Variants in LURAP1 observed in about 807,000 individuals in gnomAD.
LURAP1 encodes the protein leucine rich adaptor protein 1.
LURAP1 carries 14 observed loss-of-function variants against 19.0 expected under a neutral mutation model. That is an observed-to-expected ratio of 0.74 (90% CI 0.49 to 1.15). The LOEUF (loss-of-function observed/expected upper bound fraction) is 1.15, where lower values mean the gene tolerates loss of function less well. Among genes scored for constraint, LURAP1 ranks in the 50% most tolerant of loss-of-function variants. LURAP1 has a pLI of 0.00. For synonymous variants in LURAP1, 129 were observed against 131.8 expected (o/e 0.98, Z 0.14); for missense variants, 273 against 309.1 (o/e 0.88, Z 0.87).
chr1:46,212,731 C>T (rs531236423), intron 1 of LURAP1, among the ~76,000 whole-genome samples: 1 of 152,126 alleles, frequency 6.6e-6, no homozygotes, highest in African/African-American at 2.4e-5. Context: ...CAAGAGCCAC[C>T]ATGCTTGGCT....
chr1:46,205,869 C>T (rs1243737190), intron 1 of LURAP1, among the ~76,000 whole-genome samples: 1 of 152,236 alleles, frequency 6.6e-6, no homozygotes, highest in Non-Finnish European at 1.5e-5. Context: ...TGCCTTCGGG[C>T]TACTGAAGGC....
rs1658618789 is a variant in LURAP1 at position 46,203,615 on chromosome 1, G to A, written c.189G>A (p.Lys63=). 1 of 1,601,724 alleles carries A rather than the reference G, an allele frequency of 6.2e-7. No homozygotes were observed. Among genetic ancestry groups the A allele is most frequent in the Non-Finnish European group, 8.5e-7 (1 of 1,175,424 alleles). Residue 63 remains lysine (K), a synonymous_variant, in exon 1 of 2, where the codon AAG becomes AAA. Coordinates refer to ENST00000371980, the MANE Select transcript of LURAP1 (RefSeq NM_001013615.3). ...TGGGGGACAAGATCATGGCGCTGAA[G>A]ATGGAGCTGGTGAGTGCTGAATCCA... is the stretch of plus-strand genomic sequence containing the variant. ...HDLGDKIMAL[K]MELAYLRAID... is the part of the protein sequence containing the mutation.
chr1:46,216,133 G>GC (rs906711100), intron 1 of LURAP1, among the ~76,000 whole-genome samples: 1 of 122,668 alleles, frequency 8.2e-6, no homozygotes, highest in African/African-American at 3.1e-5. Flanking sequence ...TGCAGGCTCC[G>GC]CCCCCCAGGT....
In LURAP1 at chr1:46,217,466, T is replaced by C. The variant is rs1659102185; in HGVS notation, c.199-2233T>C. 2.0e-5 allele frequency among the ~76,000 whole-genome samples: 3 copies of C among 152,168 alleles called. No homozygotes were observed. The South Asian group carries it at 6.2e-4, about 32-fold the overall frequency. Reference sequence around the variant, plus strand: ...CTTAGCTGTGAAGAGCATTTCCAAATCCTAATAAAGTAAACACTGAGTAAT... The same window carrying C: ...CTTAGCTGTGAAGAGCATTTCCAAACCCTAATAAAGTAAACACTGAGTAAT... On this transcript the variant is annotated intron_variant, in intron 1 of 1. Transcript: ENST00000371980.
chr1:46,217,672 C>A (rs1055201927), intron 1 of LURAP1, among the ~76,000 whole-genome samples: 2 of 152,042 alleles, frequency 1.3e-5, no homozygotes, highest in Non-Finnish European at 2.9e-5. Flanking sequence ...GCCTGGCTAA[C>A]CTGGTGATGC....
chr1:46,217,830 C>G (rs768624214), intron 1 of LURAP1, among the ~76,000 whole-genome samples: 104 of 152,154 alleles, frequency 6.8e-4, no homozygotes, highest in Non-Finnish European at 1.3e-3. Flanking sequence ...GCACTCCAGC[C>G]TGGGCAACAA....
intron 1 of LURAP1, among the ~76,000 whole-genome samples, chr1:46,204,917 C>T (rs1658663857): frequency 6.6e-6 from 1 of 152,216 alleles, no homozygotes; most frequent in Non-Finnish European, 1.5e-5. Context: ...ATGATGCTCT[C>T]TTCATCTCCA....
At chr1:46,213,597 G>T (rs1184862391) in intron 1 of LURAP1, among the ~76,000 whole-genome samples, 1 of 151,998 alleles carries the variant, frequency 6.6e-6, no homozygotes, top group Non-Finnish European at 1.5e-5. Context: ...AATGGCTTAC[G>T]CCTGTAATCA....
rs759465370 is a variant in LURAP1, at chr1:46,203,464, G to A, written c.38G>A (p.Arg13Gln). Residue 13 changes from arginine to glutamine, a missense_variant, in exon 1 of 2, where the codon CGG becomes CAG. By Grantham distance (43) the Arg-to-Gln change is conservative. Coordinates refer to ENST00000371980, the MANE Select transcript of LURAP1 (RefSeq NM_001013615.3). ...GTGGAGTCCCAGACGCCTGACCTGCGGGATGTGGAGGGTAAGGTGGGCAGG... is the reference window on the plus strand; with the variant it reads ...GTGGAGTCCCAGACGCCTGACCTGCAGGATGTGGAGGGTAAGGTGGGCAGG... ...GTVESQTPDL[R>Q]DVEGKVGRKT... 1 of 1,505,164 alleles carries A rather than the reference G, an allele frequency of 6.6e-7. No individual in the cohort carries two copies. The highest frequency in any genetic ancestry group is 8.9e-7 in the Non-Finnish European group (1 of 1,127,202). 93.2% of individuals were successfully genotyped at this position (1,505,164 alleles called of 1,614,324 possible).
At chr1:46,205,564 C>T (rs1658685912) in intron 1 of LURAP1, among the ~76,000 whole-genome samples, 2 of 152,354 alleles carry the variant, frequency 1.3e-5, no homozygotes, top group South Asian at 2.1e-4. Flanking sequence ...GGAAGAGCCA[C>T]GCCCAGTCTC....
In LURAP1 at chr1:46,216,084, T is replaced by A. The variant is rs79130153; in HGVS notation, c.199-3615T>A. Reference sequence around the variant, plus strand: ...TTTTTTTTGTGACGGAGTCTCGCTGTTGCCCAGGCTGGAGTGCAGTGGCGC... The same window carrying A: ...TTTTTTTTGTGACGGAGTCTCGCTGATGCCCAGGCTGGAGTGCAGTGGCGC... On this transcript the variant is annotated intron_variant, in intron 1 of 1. Transcript: ENST00000371980. Among the ~76,000 whole-genome samples, 74 of 143,852 alleles carry A rather than the reference T, an allele frequency of 5.1e-4. 1 individual carries two copies. In the East Asian group the frequency reaches 0.014, roughly 27 times the overall value. The allele number at this position is 143,852 out of a possible 152,430, so 94.4% of individuals were successfully genotyped here.
rs144265688 is a variant in LURAP1, at chr1:46,210,767, G to A, written c.198+7143G>A. On this transcript the variant is annotated intron_variant, in intron 1 of 1. Coordinates refer to ENST00000371980, the MANE Select transcript of LURAP1 (RefSeq NM_001013615.3). ...GCTACTTGGACGCTCTCTGAATCCT[G>A]TTGTGGGGACCTTTTTTTATTTTTT... 4.1e-3 allele frequency among the ~76,000 whole-genome samples: 622 copies of A among 150,224 alleles called. 6 individuals carry two copies. The highest frequency in any genetic ancestry group is 0.014 in the African/African-American group (583 of 41,426).
Position 46,209,422 on chromosome 1 carries a change from G to A in LURAP1, c.198+5798G>A, listed in dbSNP as rs141289420. On this transcript the variant is annotated intron_variant, in intron 1 of 1. Coordinates refer to ENST00000371980, the MANE Select transcript of LURAP1 (RefSeq NM_001013615.3). ...CACAAGTGGGGCTGAAAACAAAAGG[G>A]CTGGTTGAATGTTTAAAAGTCATAT... 3.0e-3 allele frequency among the ~76,000 whole-genome samples: 455 copies of A among 152,254 alleles called. 5 individuals carry two copies. Among genetic ancestry groups the A allele is most frequent in the Non-Finnish European group, 5.1e-3 (350 of 68,016 alleles).
chr1:46,214,055 G>A (rs1376464529), intron 1 of LURAP1, among the ~76,000 whole-genome samples: 1 of 151,996 alleles, frequency 6.6e-6, no homozygotes, highest in Non-Finnish European at 1.5e-5. Flanking sequence ...ATAGGAAAAA[G>A]CAACTTGAGG....
chr1:46,209,539 T>C (rs911295701), intron 1 of LURAP1, among the ~76,000 whole-genome samples: 1 of 146,264 alleles, frequency 6.8e-6, no homozygotes, highest in African/African-American at 2.5e-5. Context: ...GTTGTTTTCT[T>C]TTTTTTTTTC....
At position 46,219,918 on chromosome 1, in the gene LURAP1, G is replaced by T; in HGVS notation, c.418G>T (p.Asp140Tyr). 1.2e-6 allele frequency: 2 copies of T among 1,614,208 alleles called. No homozygotes were observed. The highest frequency in any genetic ancestry group is 1.7e-6 in the Non-Finnish European group (2 of 1,180,004). ...LPDTSTTDRLDSVSIGSFLDT... is the reference protein window; with the variant it reads ...LPDTSTTDRLYSVSIGSFLDT... ...AGACACCAGCACCACCGACCGGCTG[G>T]ACAGTGTCTCTATTGGCAGCTTCCT... is the stretch of plus-strand genomic sequence containing the variant. The change falls in exon 2 of 2, where the codon GAC (aspartate) becomes TAC (tyrosine). Residue 140 changes from aspartate (D) to tyrosine (Y), a missense_variant. Physicochemically the swap from Asp to Tyr is radical, Grantham distance 160. Coordinates refer to ENST00000371980, the MANE Select transcript of LURAP1 (RefSeq NM_001013615.3).
Position 46,218,245 on chromosome 1 carries a change from C to T in LURAP1, c.199-1454C>T, listed in dbSNP as rs139419121. On this transcript the variant is annotated intron_variant, in intron 1 of 1. Transcript: ENST00000371980. ...TGTCTGTACAAAAAATAAAATTAGC[C>T]AGGTGTGGTGCACGCCTGTGGTCTT... Among the ~76,000 whole-genome samples the T allele has an allele frequency of 4.1e-3, 623 of 152,158 alleles. 7 individuals are homozygous for T. The highest frequency in any genetic ancestry group is 0.014 in the African/African-American group (585 of 41,524).
intron 1 of LURAP1, among the ~76,000 whole-genome samples, chr1:46,211,861 A>G (rs1205945904): frequency 6.6e-6 from 1 of 151,992 alleles, no homozygotes; most frequent in Admixed American, 6.6e-5. Context: ...GCCTCGGTTC[A>G]AGTGATTCTC....
chr1:46,212,530 C>T (rs1571688026), intron 1 of LURAP1, among the ~76,000 whole-genome samples: 1 of 151,724 alleles, frequency 6.6e-6, no homozygotes, highest in South Asian at 2.1e-4. Context: ...ATCCGCCCGC[C>T]TTGGCCTCCC....
Sources: allele counts gnomAD v4.1 joint callset (sites outside exome capture counted in the v4.1 genomes callset), GRCh38; gene constraint gnomAD v4.1.1; transcripts MANE v1.5; gene names NCBI Gene and HGNC (gene_info 2026-07-23, HGNC 2026-07-21).